The following PRKCA variants were observed in gnomAD, a reference collection of about 807,000 sequenced individuals.
PRKCA encodes the protein protein kinase C alpha.
Under a neutral mutation model 87.0 loss-of-function variants are expected in PRKCA, and 27 were observed. The observed-to-expected ratio is 0.31, with a 90% CI of 0.23 to 0.43. The LOEUF is 0.43. Among genes scored for constraint, PRKCA ranks in the 20% least tolerant of loss-of-function variants. The pLI is 1.00. For missense variants in PRKCA, 518 were observed against 852.3 expected (o/e 0.61, Z 4.88); for synonymous variants, 329 against 311.1 (o/e 1.06, Z -0.61).
At chr17:66,527,324 T>G (rs1967379354) in intron 3 of PRKCA, among the ~76,000 whole-genome samples, 1 of 152,196 alleles carries the variant, frequency 6.6e-6, no homozygotes, top group African/African-American at 2.4e-5. Flanking sequence ...GGTGCCTGGC[T>G]GTTGGCACTG....
At chr17:66,504,378 C>A (rs1435398770) in intron 3 of PRKCA, among the ~76,000 whole-genome samples, 1 of 152,100 alleles carries the variant, frequency 6.6e-6, no homozygotes, top group African/African-American at 2.4e-5. Context: ...CACCTGAGGT[C>A]AGGAGCTCAA....
intron 2 of PRKCA, among the ~76,000 whole-genome samples, chr17:66,483,991 G>C (rs894062541): frequency 4.6e-5 from 7 of 151,352 alleles, no homozygotes; most frequent in African/African-American, 1.7e-4. Flanking sequence ...AATTTATTAA[G>C]AAAAAAAAAG....
intron 2 of PRKCA, among the ~76,000 whole-genome samples, chr17:66,349,351 T>C (rs1907592660): frequency 6.6e-6 from 1 of 152,188 alleles, no homozygotes; most frequent in South Asian, 2.1e-4. Flanking sequence ...ATATGCTGCC[T>C]GCCTACCCTG....
At chr17:66,414,045 G>A (rs1295158767) in intron 2 of PRKCA, among the ~76,000 whole-genome samples, 3 of 151,136 alleles carry the variant, frequency 2.0e-5, no homozygotes, top group African/African-American at 7.3e-5. Flanking sequence ...ATATGAGAAC[G>A]AAAGATGCAT....
intron 16 of PRKCA, among the ~76,000 whole-genome samples, chr17:66,798,413 A>ACGG (rs1975729602): frequency 3.9e-5 from 2 of 51,766 alleles, no homozygotes; most frequent in African/African-American, 1.7e-4. Context: ...GGTGATGGTG[A>ACGG]TGGTGGTGGT....
At chr17:66,415,971 G>A (rs1327622879) in intron 2 of PRKCA, 1 of 152,226 alleles carries the variant, frequency 6.6e-6, no homozygotes. Context: ...CACACTGTCA[G>A]GCTGCATGCA....
intron 2 of PRKCA, among the ~76,000 whole-genome samples, chr17:66,447,762 G>C (rs1437382446): frequency 6.6e-6 from 1 of 152,148 alleles, no homozygotes; most frequent in Non-Finnish European, 1.5e-5. Context: ...CCCCACCTCC[G>C]CTCATTCCAG....
chr17:66,671,754 G>A (rs1222966611), intron 5 of PRKCA, among the ~76,000 whole-genome samples: 5 of 152,182 alleles, frequency 3.3e-5, no homozygotes, highest in East Asian at 1.9e-4. Context: ...AAGCCGAGTC[G>A]GGGGCTTGTA....
intron 8 of PRKCA, among the ~76,000 whole-genome samples, chr17:66,711,470 T>TC (rs2144126702): frequency 6.6e-6 from 1 of 152,318 alleles, no homozygotes; most frequent in African/African-American, 2.4e-5. Flanking sequence ...AACCATTCTA[T>TC]CCCCAAACTA....
intron 2 of PRKCA, among the ~76,000 whole-genome samples, chr17:66,369,679 C>A (rs1908979906): frequency 6.6e-6 from 1 of 152,226 alleles, no homozygotes. Context: ...ACTATTGGAT[C>A]TGGCTCTGTC....
At chr17:66,674,156 AG>A (rs1234557199) in intron 5 of PRKCA, among the ~76,000 whole-genome samples, 2 of 152,200 alleles carry the variant, frequency 1.3e-5, no homozygotes, top group East Asian at 3.9e-4. Flanking sequence ...TGGGGATGCG[AG>A]GGGGTGTGGC....
At chr17:66,785,184 G>A (rs1358435935) in intron 14 of PRKCA, among the ~76,000 whole-genome samples, 1 of 152,158 alleles carries the variant, frequency 6.6e-6, no homozygotes. Flanking sequence ...CTCCTGTCCA[G>A]GACTGGGCAG....
Position 66,315,832 on chromosome 17 carries a change from G to A in PRKCA, c.205+9705G>A, listed in dbSNP as rs1470857648. 2.0e-5 allele frequency among the ~76,000 whole-genome samples: 3 copies of A among 152,328 alleles called. No homozygotes were observed. In the East Asian group the frequency reaches 5.8e-4, roughly 29 times the overall value. On this transcript the variant is annotated intron_variant, in intron 2 of 16. Coordinates refer to ENST00000413366, the MANE Select transcript of PRKCA (RefSeq NM_002737.3). ...TTAATGTGCTTCCTGCCTGTAGTGGGAGCTTATGGCCTGATACATGGACCT... is the reference window on the plus strand; with the variant it reads ...TTAATGTGCTTCCTGCCTGTAGTGGAAGCTTATGGCCTGATACATGGACCT...
chr17:66,465,961 A>G (rs1915068497), intron 2 of PRKCA, among the ~76,000 whole-genome samples: 1 of 152,134 alleles, frequency 6.6e-6, no homozygotes. Context: ...GTATAGCCTA[A>G]TGTAATCTCA....
intron 2 of PRKCA, among the ~76,000 whole-genome samples, chr17:66,312,929 G>T (rs1905150188): frequency 6.6e-6 from 1 of 151,930 alleles, no homozygotes; most frequent in African/African-American, 2.4e-5. Flanking sequence ...AGTAGAGACG[G>T]GGTGTCGCCA....
intron 2 of PRKCA, among the ~76,000 whole-genome samples, chr17:66,459,641 G>T (rs867708172): frequency 2.6e-5 from 4 of 152,242 alleles, no homozygotes; most frequent in South Asian, 2.1e-4. Flanking sequence ...CTTCCTTGCT[G>T]TTATTAAGCA....
chr17:66,793,003 A>G (rs1975576551), intron 16 of PRKCA, among the ~76,000 whole-genome samples: 2 of 152,232 alleles, frequency 1.3e-5, no homozygotes, highest in Non-Finnish European at 1.5e-5. Flanking sequence ...AAGATGGGAC[A>G]ATCACTTCTC....
At chr17:66,339,767 C>T (rs937708188) in intron 2 of PRKCA, 2 of 152,206 alleles carry the variant, frequency 1.3e-5, no homozygotes, top group Non-Finnish European at 2.9e-5. Flanking sequence ...GCATTAACCC[C>T]AAACCCTATC....
At chr17:66,391,969 G>A (rs975480834) in intron 2 of PRKCA, among the ~76,000 whole-genome samples, 8 of 152,162 alleles carry the variant, frequency 5.3e-5, no homozygotes, top group Admixed American at 2.0e-4. Context: ...AGTGGCTCAC[G>A]CCTGTAATCC....
Sources: gnomAD v4.1 joint callset for allele counts (sites outside exome capture counted in the v4.1 genomes callset) on GRCh38, gnomAD v4.1.1 for gene constraint, MANE v1.5 for transcripts, NCBI Gene and HGNC (gene_info 2026-07-23, HGNC 2026-07-21) for gene names.